Variants in SASS6 observed in about 807,000 individuals in gnomAD.
SASS6 encodes the protein SAS-6 centriolar assembly protein.
SASS6 carries 59 observed loss-of-function variants against 94.9 expected under a neutral mutation model. That is an observed-to-expected ratio of 0.62 (90% CI 0.50 to 0.77). The LOEUF (loss-of-function observed/expected upper bound fraction) is 0.77, where lower values mean the gene tolerates loss of function less well. Among genes scored for constraint, SASS6 ranks in the 30% least tolerant of loss-of-function variants. The pLI is 0.00. For missense variants in SASS6, 698 were observed against 734.1 expected (o/e 0.95, Z 0.57); for synonymous variants, 264 against 270.0 (o/e 0.98, Z 0.22).
At chr1:100,092,703 G>A (rs1421011489) in intron 14 of SASS6, among the ~76,000 whole-genome samples, 3 of 152,048 alleles carry the variant, frequency 2.0e-5, no homozygotes, top group Admixed American at 6.6e-5. Flanking sequence ...AGCCTCCCGA[G>A]TAGCTGACAC....
At chr1:100,093,857 GAAC>G (rs1651930712) in intron 14 of SASS6, among the ~76,000 whole-genome samples, 2 of 152,074 alleles carry the variant, frequency 1.3e-5, no homozygotes, top group African/African-American at 2.4e-5. Flanking sequence ...AAGCAAGACT[GAAC>G]AACATGTATA....
rs371281330 is a variant in SASS6, at chr1:100,132,862, G to A, written c.-48C>T. The A allele has an allele frequency of 5.6e-5, 87 of 1,557,270 alleles. No individual in the cohort carries two copies. The highest frequency in any genetic ancestry group is 7.1e-5 in the Non-Finnish European group (80 of 1,129,000). ...TGTGCAGAAAAGCCCAACAGGCCCG[G>A]CCCTCGGGATTAGCCTGAGAGGTCC... On this transcript the variant is annotated 5_prime_UTR_variant, in exon 1 of 17. Transcript: ENST00000287482.
chr1:100,121,600 C>G (rs1396025185), intron 4 of SASS6, 51 bp from the exon 5 acceptor site: 7 of 1,030,288 alleles, frequency 6.8e-6, no homozygotes, highest in Non-Finnish European at 1.0e-5. Flanking sequence ...TAGTGAAAAT[C>G]TCTCACTGAA....
chr1:100,112,769 G>A (rs1006221213), intron 7 of SASS6, among the ~76,000 whole-genome samples: 5 of 152,144 alleles, frequency 3.3e-5, no homozygotes, highest in East Asian at 1.9e-4. Context: ...ATCAAAGTAC[G>A]GTCCTCTGAA....
Position 100,113,136 on chromosome 1 carries a change from G to C in SASS6, c.670-2653C>G, listed in dbSNP as rs376837997. Reference sequence around the variant, plus strand: ...ACAAGGAGTACTCCAAAATGAGGGAGGAATAGAGTGAGGTAGAGATTGAAA... The same window carrying C: ...ACAAGGAGTACTCCAAAATGAGGGACGAATAGAGTGAGGTAGAGATTGAAA... On this transcript the variant is annotated intron_variant, in intron 7 of 16. Coordinates refer to ENST00000287482, the MANE Select transcript of SASS6 (RefSeq NM_194292.3). Among the ~76,000 whole-genome samples the C allele has an allele frequency of 3.3e-5, 5 of 152,244 alleles. No homozygotes were observed. In the South Asian group the frequency reaches 6.2e-4, roughly 19 times the overall value.
chr1:100,093,417 G>A (rs1033676836), intron 14 of SASS6, among the ~76,000 whole-genome samples: 2 of 152,020 alleles, frequency 1.3e-5, no homozygotes, highest in African/African-American at 4.8e-5. Flanking sequence ...ATTCCAGACT[G>A]GTTTAGGACT....
At chr1:100,122,548 C>T (rs1454344581) in intron 3 of SASS6, 64 bp from the exon 4 acceptor site, 11 of 390,258 alleles carry the variant, frequency 2.8e-5, no homozygotes, top group East Asian at 1.4e-4. Context: ...TGTTTTGGTG[C>T]CTTTTTTTTT....
At position 100,118,391 on chromosome 1, in the gene SASS6, C is replaced by T. The variant is rs1653944732; in HGVS notation, c.669+627G>A. Among the ~76,000 whole-genome samples, 3 of 151,958 alleles carry T rather than the reference C, an allele frequency of 2.0e-5. 1 individual carries two copies. The South Asian group carries it at 6.2e-4, about 32-fold the overall frequency. Reference sequence around the variant, plus strand: ...GGGAAATAAGTATCCTTATACACTACCTTATCTTTGGGATTCCATTTGGTT... The same window carrying T: ...GGGAAATAAGTATCCTTATACACTATCTTATCTTTGGGATTCCATTTGGTT... On this transcript the variant is annotated intron_variant, in intron 7 of 16. Transcript: ENST00000287482.
At chr1:100,122,526 T>C (rs771628829) in intron 3 of SASS6, 42 bp from the exon 4 acceptor site, 2 of 829,308 alleles carry the variant, frequency 2.4e-6, no homozygotes, top group Non-Finnish European at 3.8e-6. Flanking sequence ...AAAATTTTAA[T>C]TAACTTTGTT....
intron 14 of SASS6, among the ~76,000 whole-genome samples, chr1:100,097,251 T>C (rs1432456338): frequency 6.6e-6 from 1 of 152,202 alleles, no homozygotes; most frequent in Non-Finnish European, 1.5e-5. Flanking sequence ...AAAAACACTT[T>C]GGAAAAGTTT....
intron 1 of SASS6, among the ~76,000 whole-genome samples, chr1:100,131,472 T>A (rs1358422842): frequency 6.6e-6 from 1 of 152,252 alleles, no homozygotes. Flanking sequence ...ATTTAACACA[T>A]AATATAAAAA....
chr1:100,096,849 C>G (rs916973590), intron 14 of SASS6, among the ~76,000 whole-genome samples: 7 of 152,194 alleles, frequency 4.6e-5, no homozygotes, highest in African/African-American at 9.7e-5. Flanking sequence ...GGTGTGGTGG[C>G]TGATGCCTGT....
chr1:100,114,740 C>T (rs1373597397), intron 7 of SASS6, among the ~76,000 whole-genome samples: 4 of 151,352 alleles, frequency 2.6e-5, no homozygotes, highest in South Asian at 2.1e-4. Context: ...AATAAAAATA[C>T]AAAAATCCCA....
At position 100,132,783 on chromosome 1, in the gene SASS6, G is replaced by A; in HGVS notation, c.32C>T (p.Pro11Leu). ...ACAGTCTTTGCATTTCACCTGCAAC[G>A]GGACTAGTTGGTGGAACAGCACTTG... is the stretch of plus-strand genomic sequence containing the variant. MSQVLFHQLV[P>L]LQVKCKDCEE... Residue 11 changes from proline (P) to leucine (L), a missense_variant, in exon 1 of 17, where the codon CCG becomes CTG. Coordinates refer to ENST00000287482, the MANE Select transcript of SASS6 (RefSeq NM_194292.3). 1 of 1,614,084 alleles carries A rather than the reference G, an allele frequency of 6.2e-7. No individual in the cohort carries two copies. Among genetic ancestry groups the A allele is most frequent in the Non-Finnish European group, 8.5e-7 (1 of 1,179,950 alleles).
chr1:100,117,263 C>A (rs1023022649), intron 7 of SASS6, among the ~76,000 whole-genome samples: 2 of 149,928 alleles, frequency 1.3e-5, no homozygotes, highest in South Asian at 2.1e-4. Context: ...TGCACTCCAG[C>A]CTGGGCAACA....
At chr1:100,114,576 G>A (rs1476029343) in intron 7 of SASS6, among the ~76,000 whole-genome samples, 1 of 151,582 alleles carries the variant, frequency 6.6e-6, no homozygotes, top group Non-Finnish European at 1.5e-5. Flanking sequence ...AAATTATCTA[G>A]GCCTGGTGGT....
At chr1:100,120,496 T>G in intron 5 of SASS6, 37 bp from the exon 6 acceptor site, 1 of 922,722 alleles carries the variant, frequency 1.1e-6, no homozygotes, top group Non-Finnish European at 1.8e-6. Context: ...CAGTTTACAA[T>G]GTAATCATCT....
At chr1:100,099,209 T>C (rs1652299827) in intron 14 of SASS6, 1 of 152,882 alleles carries the variant, frequency 6.5e-6, no homozygotes, top group South Asian at 2.1e-4. Context: ...ATAAAGAAAT[T>C]GAGGCAACAG....
intron 15 of SASS6, among the ~76,000 whole-genome samples, chr1:100,086,987 T>G (rs1470109506): frequency 6.6e-6 from 1 of 152,032 alleles, no homozygotes; most frequent in Non-Finnish European, 1.5e-5. Context: ...TTATTTTTTC[T>G]ATTTATTTTA....
Sources: allele counts gnomAD v4.1 joint callset (sites outside exome capture counted in the v4.1 genomes callset), GRCh38; gene constraint gnomAD v4.1.1; transcripts MANE v1.5; gene names NCBI Gene and HGNC (gene_info 2026-07-23, HGNC 2026-07-21).